The following SIPA1L3 variants were observed in gnomAD, a reference collection of about 807,000 sequenced individuals.
The protein encoded by SIPA1L3 is signal-induced proliferation-associated 1-like protein 3.
SIPA1L3 carries 59 observed loss-of-function variants against 150.1 expected under a neutral mutation model. The ratio of observed to expected loss-of-function variants is 0.39; its 90% CI spans 0.32 to 0.49. SIPA1L3 has a LOEUF of 0.49. Among genes scored for constraint, SIPA1L3 ranks in the 20% least tolerant of loss-of-function variants. The pLI, the probability that SIPA1L3 is intolerant of heterozygous loss-of-function variation, is 0.86. For missense variants in SIPA1L3, 2,211 were observed against 2,489.5 expected, an observed-to-expected ratio of 0.89 and a Z score of 2.38; for synonymous variants, 1,070 against 1,077.6, an observed-to-expected ratio of 0.99 and a Z score of 0.14.
At chr19:38,050,360 G>A (rs1969161942) in intron 2 of SIPA1L3, among the ~76,000 whole-genome samples, 1 of 152,110 alleles carries the variant, frequency 6.6e-6, no homozygotes, top group Admixed American at 6.5e-5. Context: ...GGAGGCTGAG[G>A]CAGGAGAATC....
intron 1 of SIPA1L3, among the ~76,000 whole-genome samples, chr19:37,957,514 AT>A (rs568333055): frequency 6.7e-5 from 10 of 148,570 alleles, no homozygotes; most frequent in South Asian, 4.3e-4. Flanking sequence ...ATTCTTATGT[AT>A]TTTTTTTATG....
intron 1 of SIPA1L3, among the ~76,000 whole-genome samples, chr19:38,014,544 CT>C (rs72101453): frequency 0.28 from 32,750 of 116,376 alleles, 4,807 homozygotes; most frequent in East Asian, 0.58. Flanking sequence ...ACACCACATT[CT>C]TTTTTTTTTT....
intron 1 of SIPA1L3, among the ~76,000 whole-genome samples, chr19:38,012,462 A>G (rs1232748140): frequency 6.6e-6 from 1 of 152,116 alleles, no homozygotes; most frequent in Non-Finnish European, 1.5e-5. Flanking sequence ...GGTGCTGTAC[A>G]GGGAACCTCC....
intron 12 of SIPA1L3, among the ~76,000 whole-genome samples, chr19:38,143,284 C>T (rs915306529): frequency 2.0e-5 from 3 of 152,180 alleles, no homozygotes; most frequent in African/African-American, 7.2e-5. Context: ...TCTGTTCTTC[C>T]TCTGCCCCCA....
chr19:38,186,116 G>C (rs1406911441), intron 16 of SIPA1L3: 1 of 152,110 alleles, frequency 6.6e-6, no homozygotes, highest in Non-Finnish European at 1.5e-5. Context: ...CACTTAGTAG[G>C]TGCTCAGAAG....
intron 1 of SIPA1L3, among the ~76,000 whole-genome samples, chr19:37,997,590 C>T (rs1468970677): frequency 1.6e-5 from 2 of 128,184 alleles, no homozygotes; most frequent in African/African-American, 2.9e-5. Flanking sequence ...AAAAAAAGGC[C>T]GGGCACGTTG....
At chr19:38,130,957 G>C (rs1164882016) in intron 10 of SIPA1L3, 185 bp downstream of exon 10, 1 of 628,884 alleles carries the variant, frequency 1.6e-6, no homozygotes, top group South Asian at 2.1e-5. Context: ...CTGTATGCCA[G>C]TTATTGGTTT....
chr19:38,002,050 GATAGAT>G lies in SIPA1L3; in HGVS notation c.-378-27034_-378-27029del, dbSNP rs1436502814. 2.0e-5 allele frequency among the ~76,000 whole-genome samples: 3 copies of G among 152,134 alleles called. No individual in the cohort carries two copies. The East Asian group carries it at 5.8e-4, about 29-fold the overall frequency. On this transcript the variant is annotated intron_variant, in intron 1 of 21. Transcript: ENST00000222345. ...TTTTATTATGCCCAGTTACATTACTGATAGATATAGTTACCAAAAAAATGTACCTTA... is the reference window on the plus strand; with the variant it reads ...TTTTATTATGCCCAGTTACATTACTGATAGTTACCAAAAAAATGTACCTTA...
chr19:37,923,245 C>T (rs2046472561), intron 1 of SIPA1L3, among the ~76,000 whole-genome samples: 1 of 152,198 alleles, frequency 6.6e-6, no homozygotes, highest in South Asian at 2.1e-4. Flanking sequence ...CATGGCTTCA[C>T]AGTGGGGCTG....
intron 1 of SIPA1L3, among the ~76,000 whole-genome samples, chr19:38,009,689 C>T (rs1241536806): frequency 1.3e-5 from 2 of 152,094 alleles, no homozygotes; most frequent in Admixed American, 6.6e-5. Flanking sequence ...ACCAGCCACA[C>T]GTCCACAGGA....
At chr19:38,196,767 C>T (rs550297652) in intron 18 of SIPA1L3, among the ~76,000 whole-genome samples, 6 of 150,826 alleles carry the variant, frequency 4.0e-5, no homozygotes, top group African/African-American at 9.7e-5. Flanking sequence ...GCCAGGAGGC[C>T]GAGGGGGGAG....
chr19:38,062,576 G>C (rs984096784), intron 2 of SIPA1L3, among the ~76,000 whole-genome samples: 5 of 152,072 alleles, frequency 3.3e-5, no homozygotes, highest in Non-Finnish European at 4.4e-5. Context: ...TTGGGCTCAT[G>C]GTTCTGTAAA....
chr19:38,045,739 G>C (rs1190637899), intron 2 of SIPA1L3, among the ~76,000 whole-genome samples: 1 of 152,114 alleles, frequency 6.6e-6, no homozygotes, highest in African/African-American at 2.4e-5. Context: ...AACTAGCCTG[G>C]GGTGGGCTGG....
At chr19:38,020,961 C>T (rs1042730964) in intron 1 of SIPA1L3, among the ~76,000 whole-genome samples, 14 of 152,144 alleles carry the variant, frequency 9.2e-5, no homozygotes, top group African/African-American at 3.1e-4. Flanking sequence ...CCACCACACC[C>T]AGCTAATTTT....
intron 1 of SIPA1L3, among the ~76,000 whole-genome samples, chr19:37,982,450 G>T (rs775163751): frequency 1.3e-5 from 2 of 152,190 alleles, no homozygotes; most frequent in Admixed American, 1.3e-4. Flanking sequence ...TTCTTCCAGC[G>T]TTCACCATGT....
intron 12 of SIPA1L3, 141 bp downstream of exon 12, chr19:38,142,851 C>A (rs1243861145): frequency 8.3e-6 from 9 of 1,087,160 alleles, no homozygotes; most frequent in African/African-American, 1.6e-5. Flanking sequence ...AGAGGAGCCC[C>A]ATGGGGTGGT....
intron 19 of SIPA1L3, chr19:38,200,067 A>C (rs1973050536): frequency 6.6e-6 from 1 of 152,100 alleles, no homozygotes; most frequent in Non-Finnish European, 1.5e-5. Flanking sequence ...TGTCACTACA[A>C]AAAAATTTAT....
intron 1 of SIPA1L3, among the ~76,000 whole-genome samples, chr19:37,957,878 A>AT (rs35627899): frequency 1.3e-4 from 20 of 149,778 alleles, no homozygotes; most frequent in South Asian, 2.1e-4. Context: ...TGCCTGGCTA[A>AT]TTTTTTTTTT....
intron 18 of SIPA1L3, among the ~76,000 whole-genome samples, chr19:38,196,376 G>A (rs111565843): frequency 0.012 from 619 of 52,314 alleles, 3 homozygotes; most frequent in African/African-American, 0.028. Flanking sequence ...GGCCAAGGGC[G>A]GAGCATGGAG....
Sources: gnomAD v4.1 joint callset for allele counts (sites outside exome capture counted in the v4.1 genomes callset) on GRCh38, gnomAD v4.1.1 for gene constraint, MANE v1.5 for transcripts, NCBI Gene and HGNC (gene_info 2026-07-23, HGNC 2026-07-21) for gene names.